Variants in EPS8L1 observed in about 807,000 individuals in gnomAD.
EPS8L1 encodes the protein epidermal growth factor receptor kinase substrate 8-like protein 1.
A neutral mutation model predicts 91.7 loss-of-function variants in EPS8L1; 101 were observed. The ratio of observed to expected loss-of-function variants is 1.10; its 90% CI spans 0.94 to 1.30. The LOEUF (loss-of-function observed/expected upper bound fraction) is 1.30. Ranked by LOEUF, EPS8L1 falls within the 50% of genes most tolerant of loss-of-function variation. The pLI, the probability that EPS8L1 is intolerant of heterozygous loss-of-function variation, is 0.00. For synonymous variants in EPS8L1, 506 were observed against 445.3 expected (o/e 1.14, Z -1.72); for missense variants, 1,114 against 1,017.0 (o/e 1.10, Z -1.30).
At chr19:55,084,753 T>A (rs537252117) in intron 14 of EPS8L1, 1 of 152,292 alleles carries the variant, frequency 6.6e-6, no homozygotes, top group African/African-American at 2.4e-5. Context: ...CAGCTTCAAG[T>A]CACTTTCTCC....
intron 16 of EPS8L1, 72 bp from the exon 17 acceptor site, chr19:55,086,320 C>A: frequency 6.2e-7 from 1 of 1,607,868 alleles, no homozygotes; most frequent in Non-Finnish European, 8.5e-7. Flanking sequence ...AGAAATGCAT[C>A]TCCAGAAAGG....
chr19:55,079,563 G>C (rs1335217830), intron 4 of EPS8L1, 127 bp from the exon 5 acceptor site: 8 of 1,116,374 alleles, frequency 7.2e-6, no homozygotes, highest in Non-Finnish European at 1.0e-5. Flanking sequence ...TGTGGAACAG[G>C]TGATCAAGGA....
Position 55,085,868 on chromosome 19 carries a change from G to A in EPS8L1, c.1413G>A (p.Glu471=). 1 of 1,613,360 alleles carries A rather than the reference G, an allele frequency of 6.2e-7. No individual in the cohort carries two copies. Among genetic ancestry groups the A allele is most frequent in the Non-Finnish European group, 8.5e-7 (1 of 1,179,624 alleles). Residue 471 remains glutamate, a synonymous_variant, in exon 15 of 20, where the codon GAG becomes GAA. Transcript: ENST00000201647. ...NGHRDLEPES[E]PQLESETAGK... is the part of the protein sequence containing the mutation. ...ACCGAGACTTGGAGCCAGAATCTGA[G>A]CCTCAGCTGGAGTCAGAGACAGCAG...
intron 1 of EPS8L1, 144 bp downstream of exon 1, chr19:55,076,063 G>A (rs1167515339): frequency 0.017 from 4,376 of 253,816 alleles, 332 homozygotes; most frequent in African/African-American, 0.021. Flanking sequence ...GGAGGGCCTG[G>A]GGTCCTGGAC....
rs1183102648 is a variant in EPS8L1, at chr19:55,083,720, C to T, written c.1385+76C>T. 3 of 1,545,166 alleles carry T rather than the reference C, an allele frequency of 1.9e-6. No homozygotes were observed. The highest frequency in any genetic ancestry group is 8.8e-7 in the Non-Finnish European group (1 of 1,140,148). ...CGGGGGCTCCCGATGCTGACTCCGC[C>T]CCCTTTTTTTCTGTGTTTTTCCTTC... is the stretch of plus-strand genomic sequence containing the variant. On this transcript the variant is annotated intron_variant, in intron 14 of 19. Coordinates refer to ENST00000201647, the MANE Select transcript of EPS8L1 (RefSeq NM_133180.3). The surrounding 1 kb of genome is among the most constrained non-coding windows in gnomAD (Gnocchi z 4.7).
At position 55,080,508 on chromosome 19, in the gene EPS8L1, G is replaced by T. The variant is rs1054528640; in HGVS notation, c.429+230G>T. 2.5e-6 allele frequency: 4 copies of T among 1,613,718 alleles called. No homozygotes were observed. The African/African-American group carries it at 5.3e-5, about 22-fold the overall frequency. On this transcript the variant is annotated intron_variant, in intron 6 of 19. Coordinates refer to ENST00000201647, the MANE Select transcript of EPS8L1 (RefSeq NM_133180.3). ...GGGATGAGGACATGAACAGAACATG[G>T]CCAAGAAGGATCTGGGGGAGCAGCC...
Position 55,083,686 on chromosome 19 carries a change from G to T in EPS8L1, c.1385+42G>T, listed in dbSNP as rs775406317. ...GGGCAGGGCAAGGGGGTCAAGGAGG[G>T]GTGCGTCCCGGGGGCTCCCGATGCT... is the stretch of plus-strand genomic sequence containing the variant. On this transcript the variant is annotated intron_variant, in intron 14 of 19. Coordinates refer to ENST00000201647, the MANE Select transcript of EPS8L1 (RefSeq NM_133180.3). The surrounding 1 kb of genome is among the most constrained non-coding windows in gnomAD (Gnocchi z 4.7). 8 of 1,576,490 alleles carry T rather than the reference G, an allele frequency of 5.1e-6. No individual in the cohort carries two copies. The highest frequency in any genetic ancestry group is 6.0e-6 in the Non-Finnish European group (7 of 1,161,262).
At position 55,087,622 on chromosome 19, in the gene EPS8L1, G is replaced by A; in HGVS notation, c.*8G>A. On this transcript the variant is annotated 3_prime_UTR_variant, in exon 20 of 20. Transcript: ENST00000201647. ...GAAATGGAGGTCATTTGACCTGCCAGGCGCCCTTCGCAAAGAGTGACGAGG... is the reference window on the plus strand; with the variant it reads ...GAAATGGAGGTCATTTGACCTGCCAAGCGCCCTTCGCAAAGAGTGACGAGG... The A allele has an allele frequency of 1.2e-6, 2 of 1,613,912 alleles. No homozygotes were observed. Among genetic ancestry groups the A allele is most frequent in the Non-Finnish European group, 1.7e-6 (2 of 1,179,854 alleles).
At position 55,081,547 on chromosome 19, in the gene EPS8L1, T is replaced by C. The variant is rs553259149; in HGVS notation, c.774+55T>C. On this transcript the variant is annotated intron_variant, in intron 8 of 19. Transcript: ENST00000201647. The surrounding 1 kb of genome is among the most constrained non-coding windows in gnomAD (Gnocchi z 4.9). ...AGGGCCAGGCGACTGGAGGCGGGGC[T>C]AGGGCGTGGAAGGGCGGGGCCGGCT... 8.1e-6 allele frequency: 12 copies of C among 1,477,090 alleles called. No homozygotes were observed. In the East Asian group the frequency reaches 2.2e-4, roughly 27 times the overall value. 91.5% of individuals were successfully genotyped at this position (1,477,090 alleles called of 1,614,324 possible).
At position 55,085,882 on chromosome 19, in the gene EPS8L1, C is replaced by T. The variant is rs765687699; in HGVS notation, c.1427C>T (p.Ser476Leu). 1 of 1,613,584 alleles carries T rather than the reference C, an allele frequency of 6.2e-7. No homozygotes were observed. Among genetic ancestry groups the T allele is most frequent in the Admixed American group, 1.7e-5 (1 of 59,986 alleles). The change falls in exon 15 of 20, where the codon TCA becomes TTA. Residue 476 changes from serine (S) to leucine (L), a missense_variant. Ser to Leu is a moderately radical substitution (Grantham distance 145). Coordinates refer to ENST00000201647, the MANE Select transcript of EPS8L1 (RefSeq NM_133180.3). ...CCAGAATCTGAGCCTCAGCTGGAGTCAGAGACAGCAGGAAAATGGGTCCTG... is the reference window on the plus strand; with the variant it reads ...CCAGAATCTGAGCCTCAGCTGGAGTTAGAGACAGCAGGAAAATGGGTCCTG... The part of the protein sequence containing the change: ...LEPESEPQLE[S>L]ETAGKWVLCN...
chr19:55,087,713 C>T lies in EPS8L1; in HGVS notation c.*99C>T, dbSNP rs765161129. On this transcript the variant is annotated 3_prime_UTR_variant, in exon 20 of 20. Coordinates refer to ENST00000201647, the MANE Select transcript of EPS8L1 (RefSeq NM_133180.3). ...GGAAGTCGATCTTCTGAAGGATGGC[C>T]AATCTGCTCCGGCCCTGGTCTTCCC... 1.3e-5 allele frequency: 16 copies of T among 1,239,380 alleles called. No individual in the cohort carries two copies. The highest frequency in any genetic ancestry group is 1.9e-5 in the Non-Finnish European group (16 of 861,624). 76.8% of individuals were successfully genotyped at this position (1,239,380 alleles called of 1,614,324 possible).
At chr19:55,085,818 C>T (rs532033837) in intron 14 of EPS8L1, 23 bp from the exon 15 acceptor site, 317 of 1,605,196 alleles carry the variant, frequency 2.0e-4, no homozygotes, top group Non-Finnish European at 2.6e-4. Context: ...CTCCTTATCT[C>T]CAACCCTCCC....
intron 1 of EPS8L1, 197 bp from the exon 2 acceptor site, chr19:55,076,211 G>C (rs963902957): frequency 1.6e-5 from 8 of 492,308 alleles, no homozygotes; most frequent in African/African-American, 1.4e-4. Flanking sequence ...GAGGGGACTG[G>C]GGTCTGGACT....
At chr19:55,082,975 C>T (rs1049914666) in intron 12 of EPS8L1, among the ~76,000 whole-genome samples, 36 of 152,036 alleles carry the variant, frequency 2.4e-4, no homozygotes, top group Admixed American at 2.2e-3. Context: ...CTGGCAGTTC[C>T]GCAGGGAAAG....
chr19:55,081,998 G>A lies in EPS8L1; in HGVS notation c.902-94G>A. On this transcript the variant is annotated intron_variant, in intron 9 of 19. Coordinates refer to ENST00000201647, the MANE Select transcript of EPS8L1 (RefSeq NM_133180.3). This position sits in a 1 kb window ranked among gnomAD's most constrained non-coding sequence, Gnocchi z 4.9. ...TCCCCTCCCGCCACTTGCCAGGGCT[G>A]ACCTCACCGCCATCTTAACCGGGTG... 1 of 1,553,436 alleles carries A rather than the reference G, an allele frequency of 6.4e-7. No individual in the cohort carries two copies. The highest frequency in any genetic ancestry group is 8.7e-7 in the Non-Finnish European group (1 of 1,147,348).
rs879108099 is a variant in EPS8L1 at position 55,082,486 on chromosome 19, G to C, written c.1098G>C (p.Ala366=). ...ACACGTCGGGGGGGCCGGAGTTCGC[G>C]AGCAGTGTGCGGCGGCCGCATCTGA... ...IVNTSGGPEF[A]SSVRRPHLTS... is the part of the protein sequence containing the mutation. Residue 366 remains alanine, a synonymous_variant, in exon 12 of 20, where the codon GCG becomes GCC. Coordinates refer to ENST00000201647, the MANE Select transcript of EPS8L1 (RefSeq NM_133180.3). The C allele has an allele frequency of 1.9e-6, 3 of 1,612,660 alleles. No homozygotes were observed. Among genetic ancestry groups the C allele is most frequent in the South Asian group, 1.1e-5 (1 of 91,054 alleles).
In EPS8L1 at chr19:55,086,741, A is replaced by G. The variant is rs1208138493; in HGVS notation, c.1805A>G (p.Asn602Ser). The G allele has an allele frequency of 3.1e-6, 5 of 1,611,304 alleles. No homozygotes were observed. In the African/African-American group the frequency reaches 4.0e-5, roughly 13 times the overall value. ...AAATTCTCCCAGATGCTCATCGTCAACGAGGAACTGCAGGCGCGCCTGGCC... is the reference window on the plus strand; with the variant it reads ...AAATTCTCCCAGATGCTCATCGTCAGCGAGGAACTGCAGGCGCGCCTGGCC... ...KEKFSQMLIV[N>S]EELQARLAQG... Residue 602 changes from asparagine to serine, a missense_variant, in exon 18 of 20, where the codon AAC becomes AGC. Asn to Ser is a conservative substitution (Grantham distance 46, BLOSUM62 1). Transcript: ENST00000201647.
chr19:55,076,131 GA>G (rs1322417316), intron 1 of EPS8L1, among the ~76,000 whole-genome samples: 597 of 32,164 alleles, frequency 0.019, 29 homozygotes, highest in Non-Finnish European at 0.022. Context: ...GAGGGAGGAG[GA>G]GATGGGGCCT....
chr19:55,076,227 GT>G (rs1402971567), intron 1 of EPS8L1, 180 bp from the exon 2 acceptor site: 1 of 540,154 alleles, frequency 1.9e-6, no homozygotes, highest in African/African-American at 2.2e-5. Flanking sequence ...GGACTCCTGG[GT>G]CTAGGGAAGA....
Sources: gnomAD v4.1 joint callset for allele counts (sites outside exome capture counted in the v4.1 genomes callset) on GRCh38, gnomAD v4.1.1 for gene constraint, Gnocchi (gnomAD v3.1) non-coding constraint, MANE v1.5 for transcripts, NCBI Gene and HGNC (gene_info 2026-07-23, HGNC 2026-07-21) for gene names.